The following LSG1 variants were observed in gnomAD, a reference collection of about 807,000 sequenced individuals.
LSG1 encodes the protein large 60S subunit nuclear export GTPase 1.
In LSG1, 55 loss-of-function variants were observed where a neutral mutation model predicts 82.6. The ratio of observed to expected loss-of-function variants is 0.67; its 90% CI spans 0.54 to 0.83. The LOEUF is 0.83. Among genes scored for constraint, LSG1 ranks in the 40% least tolerant of loss-of-function variants. The probability of loss-of-function intolerance (pLI) is 0.00; values close to 1 mark genes in which losing one functional copy is unlikely to be tolerated. For missense variants in LSG1, 809 were observed against 807.9 expected (o/e 1.00, Z -0.02); for synonymous variants, 272 against 282.5 (o/e 0.96, Z 0.37).
intron 5 of LSG1, chr3:194,660,963 G>A (rs1355273598): frequency 3.5e-5 from 16 of 451,772 alleles, no homozygotes; most frequent in Admixed American, 2.6e-4. Context: ...TGTTATAAAG[G>A]CCCACCGTGA....
At chr3:194,645,523 C>CAGACAG (rs1560219567) in intron 12 of LSG1, 2 of 43,984 alleles carry the variant, frequency 4.5e-5, no homozygotes, top group African/African-American at 1.5e-4. Flanking sequence ...CACACACACA[C>CAGACAG]ACACACAGAC....
chr3:194,661,613 A>G (rs150779246), intron 5 of LSG1, among the ~76,000 whole-genome samples: 47 of 152,342 alleles, frequency 3.1e-4, no homozygotes, highest in African/African-American at 1.1e-3. Flanking sequence ...ATCTTTTCTG[A>G]TAACTACTAT....
At position 194,652,985 on chromosome 3, in the gene LSG1, T is replaced by C. The variant is rs1015548940; in HGVS notation, c.917A>G (p.Glu306Gly). 2 of 1,614,024 alleles carry C rather than the reference T, an allele frequency of 1.2e-6. No individual in the cohort carries two copies. Among genetic ancestry groups the C allele is most frequent in the Non-Finnish European group, 1.7e-6 (2 of 1,180,032 alleles). ...ENPTTDEDDS[E>G]YEDCPEEEED... ...CTCCTCCTCTGGACAGTCCTCATACTCACTGTCATCTTCATCCGTTGTGGG... is the reference window on the plus strand; with the variant it reads ...CTCCTCCTCTGGACAGTCCTCATACCCACTGTCATCTTCATCCGTTGTGGG... Residue 306 changes from glutamate to glycine, a missense_variant, in exon 8 of 14, where the codon GAG (glutamate) becomes GGG (glycine). Glu to Gly is a moderately conservative substitution (Grantham distance 98). Coordinates refer to ENST00000265245, the MANE Select transcript of LSG1 (RefSeq NM_018385.3).
Position 194,652,992 on chromosome 3 carries a change from C to A in LSG1, c.910G>T (p.Asp304Tyr), listed in dbSNP as rs1718709267. The change falls in exon 8 of 14, where the codon GAC becomes TAC. Residue 304 changes from aspartate to tyrosine, a missense_variant. By Grantham distance (160) the Asp-to-Tyr change is radical. Transcript: ENST00000265245. The stretch of plus-strand genomic sequence containing the variant: ...TCTGGACAGTCCTCATACTCACTGT[C>A]ATCTTCATCCGTTGTGGGATTTTCA... The part of the protein sequence containing the change: ...LSENPTTDED[D>Y]SEYEDCPEEE... The A allele has an allele frequency of 1.2e-6, 2 of 1,614,072 alleles. No homozygotes were observed. The highest frequency in any genetic ancestry group is 1.7e-6 in the Non-Finnish European group (2 of 1,180,048).
chr3:194,666,679 T>G, intron 2 of LSG1, 107 bp from the exon 3 acceptor site: 1 of 898,578 alleles, frequency 1.1e-6, no homozygotes, highest in Non-Finnish European at 1.7e-6. Flanking sequence ...TAAGAGAACT[T>G]AAGATTTCTT....
chr3:194,665,530 A>G (rs1227948345), intron 5 of LSG1, 27 bp downstream of exon 5: 2 of 1,553,092 alleles, frequency 1.3e-6, no homozygotes, highest in Non-Finnish European at 1.8e-6. Flanking sequence ...CAATGTCTTT[A>G]TTACACAAAA....
chr3:194,644,478 GGGTTAATAAAATGT>G lies in LSG1; in HGVS notation c.1797+81_1797+94del, dbSNP rs1454348513. 1.2e-5 allele frequency: 8 copies of G among 695,092 alleles called. No homozygotes were observed. The East Asian group carries it at 2.1e-4, about 18-fold the overall frequency. The allele number at this position is 695,092 out of a possible 1,614,324, so 43.1% of individuals were successfully genotyped here. On this transcript the variant is annotated intron_variant, in intron 13 of 13. Coordinates refer to ENST00000265245, the MANE Select transcript of LSG1 (RefSeq NM_018385.3). Reference sequence around the variant, plus strand: ...TTTTGGAATTATTAAACCCTTTTTGGGGTTAATAAAATGTGTTTATGGCATGTGATACTCAATAA... The same window carrying G: ...TTTTGGAATTATTAAACCCTTTTTGGGTTTATGGCATGTGATACTCAATAA...
At position 194,642,247 on chromosome 3, in the gene LSG1, C is replaced by T. The variant is rs1352191497; in HGVS notation, c.1798G>A (p.Glu600Lys). 2 of 1,611,372 alleles carry T rather than the reference C, an allele frequency of 1.2e-6. No homozygotes were observed. Among genetic ancestry groups the T allele is most frequent in the African/African-American group, 1.3e-5 (1 of 74,704 alleles). ...CCTTTGGTCAAAGCCCTCACATTCT[C>T]CTAGGAAATAAGAGAAAACATTATC... ...NIVDKTFFHQ[E>K]NVRALTKGVQ... The change falls in exon 14 of 14, where the codon GAG becomes AAG. Residue 600 changes from glutamate to lysine, a missense_variant and splice_region_variant. By Grantham distance (56) the Glu-to-Lys change is moderately conservative. Coordinates refer to ENST00000265245, the MANE Select transcript of LSG1 (RefSeq NM_018385.3).
At position 194,645,545 on chromosome 3, in the gene LSG1, C is replaced by CACACACAGACAG. The variant is rs1560219703; in HGVS notation, c.1623+618_1623+619insCTGTCTGTGTGT. On this transcript the variant is annotated intron_variant, in intron 12 of 13. Transcript: ENST00000265245. Reference sequence around the variant, plus strand: ...ACACACACACAGACAGACACACACACACACACACACACACACACACACACA... The same window carrying CACACACAGACAG: ...ACACACACACAGACAGACACACACACACACACAGACAGACACACACACACACACACACACACA... 2.9e-4 allele frequency: 14 copies of CACACACAGACAG among 47,462 alleles called. 1 individual carries two copies. The highest frequency in any genetic ancestry group is 1.1e-3 in the African/African-American group (14 of 13,112). The allele number at this position is 47,462 out of a possible 1,614,324, so 2.9% of individuals were successfully genotyped here.
intron 13 of LSG1, among the ~76,000 whole-genome samples, chr3:194,643,156 C>T (rs985905256): frequency 1.3e-5 from 2 of 152,172 alleles, no homozygotes; most frequent in Admixed American, 1.3e-4. Context: ...AGCTCTTTTG[C>T]ATGTACATTT....
rs1469320596 is a variant in LSG1 at position 194,658,812 on chromosome 3, A to G, written c.759+145T>C. On this transcript the variant is annotated intron_variant, in intron 7 of 13. Transcript: ENST00000265245. ...AAAGTAACTTTGTGATTCACTTTCT[A>G]TAGGTCATCCTAATCCAGCACACAG... 3.7e-6 allele frequency: 3 copies of G among 800,592 alleles called. No individual in the cohort carries two copies. The Admixed American group carries it at 7.4e-5, about 20-fold the overall frequency. The allele number at this position is 800,592 out of a possible 1,614,324, so 49.6% of individuals were successfully genotyped here. A position where few individuals can be genotyped will look rare whatever the true frequency, so the allele number is the denominator to read the frequency against.
intron 8 of LSG1, 39 bp from the exon 9 acceptor site, chr3:194,651,255 A>G: frequency 1.5e-6 from 2 of 1,371,266 alleles, no homozygotes; most frequent in Non-Finnish European, 2.1e-6. Context: ...GTAAAACAGT[A>G]CATCTATCAA....
At chr3:194,670,197 C>G (rs1276435535) in intron 1 of LSG1, 62 bp from the exon 2 acceptor site, 4 of 1,586,614 alleles carry the variant, frequency 2.5e-6, no homozygotes, top group Middle Eastern at 1.7e-4. Flanking sequence ...ATCCAATAAG[C>G]TCTAAAATTC....
At chr3:194,649,347 G>A (rs1295859064) in intron 10 of LSG1, among the ~76,000 whole-genome samples, 1 of 152,032 alleles carries the variant, frequency 6.6e-6, no homozygotes, top group Admixed American at 6.6e-5. Context: ...CTAACCTAAG[G>A]CTACCTGCAA....
At chr3:194,667,001 G>A (rs1241644469) in intron 2 of LSG1, among the ~76,000 whole-genome samples, 2 of 152,106 alleles carry the variant, frequency 1.3e-5, no homozygotes, top group African/African-American at 4.8e-5. Context: ...TGCTGCTCTG[G>A]GGTAGATGCT....
intron 2 of LSG1, among the ~76,000 whole-genome samples, chr3:194,667,271 G>A (rs75318849): frequency 1.3e-5 from 2 of 151,948 alleles, no homozygotes; most frequent in African/African-American, 4.8e-5. Flanking sequence ...GGCTGGTCTC[G>A]AACTACTGAC....
At chr3:194,658,495 C>G (rs763326807) in intron 7 of LSG1, among the ~76,000 whole-genome samples, 8 of 152,144 alleles carry the variant, frequency 5.3e-5, no homozygotes, top group Non-Finnish European at 8.8e-5. Context: ...GCCCAAACTA[C>G]TTTTGCAAAA....
intron 13 of LSG1, among the ~76,000 whole-genome samples, chr3:194,642,829 T>G (rs1718427414): frequency 6.6e-6 from 1 of 152,234 alleles, no homozygotes; most frequent in South Asian, 2.1e-4. Context: ...GTAAATTTTC[T>G]TCCAAATACT....
At chr3:194,660,934 C>T (rs866761895) in intron 5 of LSG1, 3 of 456,284 alleles carry the variant, frequency 6.6e-6, no homozygotes, top group Middle Eastern at 7.0e-4. Flanking sequence ...TCCTCCCTTC[C>T]TTCAGCCTCT....
Sources: allele counts gnomAD v4.1 joint callset (sites outside exome capture counted in the v4.1 genomes callset), GRCh38; gene constraint gnomAD v4.1.1; transcripts MANE v1.5; gene names NCBI Gene and HGNC (gene_info 2026-07-23, HGNC 2026-07-21).